Variants in NRK observed in about 807,000 individuals in gnomAD.
NRK encodes the protein Nik related kinase.
Under a neutral mutation model 125.2 loss-of-function variants are expected in NRK, and 67 were observed. That is an observed-to-expected ratio of 0.54 (90% CI 0.44 to 0.66). NRK has a LOEUF of 0.66. Ranked by LOEUF, NRK falls within the 30% of genes least tolerant of loss-of-function variation. NRK has a pLI of 0.00. For missense variants in NRK, 1,224 were observed against 1,192.9 expected, an observed-to-expected ratio of 1.03 and a Z score of -0.38; for synonymous variants, 458 against 429.0, an observed-to-expected ratio of 1.07 and a Z score of -0.84.
Position 105,868,716 on chromosome X carries a change from C to T in NRK, c.124-11483C>T, listed in dbSNP as rs763143460. On this transcript the variant is annotated intron_variant, in intron 2 of 28. Coordinates refer to ENST00000243300, the MANE Select transcript of NRK (RefSeq NM_198465.4). ...CACCATACTTTCCCCCCATCCACTT[C>T]CCCCGCCCCCCACCACTCTGTTCGC... Among the ~76,000 whole-genome samples the T allele has an allele frequency of 4.4e-4, 44 of 100,984 alleles. 1 individual carries two copies. Among genetic ancestry groups the T allele is most frequent in the African/African-American group, 1.6e-3 (44 of 27,944 alleles). 87.7% of individuals were successfully genotyped at this position (100,984 alleles called of 115,157 possible).
intron 2 of NRK, 44 bp downstream of exon 2, chrX:105,831,163 A>T (rs1317831661): frequency 1.2e-6 from 1 of 821,350 alleles, no homozygotes; most frequent in East Asian, 3.2e-5. Context: ...TTTTCTAATG[A>T]CAACAAAGAT....
Position 105,935,186 on chromosome X carries a change from A to G in NRK, c.3516A>G (p.Val1172=). ...FASAILYAGF[V]EVPEESPKQP... ...TCTTTGCAGTATACGCTGGATTCGT[A>G]GAAGTACCTGAGGAATCACCTAAGC... The change falls in exon 21 of 29, where the codon GTA becomes GTG. Residue 1172 remains valine, a synonymous_variant. Coordinates refer to ENST00000243300, the MANE Select transcript of NRK (RefSeq NM_198465.4). 8.4e-7 allele frequency: 1 copy of G among 1,195,893 alleles called. No homozygotes were observed. The highest frequency in any genetic ancestry group is 1.1e-6 in the Non-Finnish European group (1 of 881,598).
In NRK at chrX:105,953,549, C is replaced by T. The variant is rs190885502; in HGVS notation, c.4653+376C>T. The stretch of plus-strand genomic sequence containing the variant: ...GCTTGAGCAAATCTGCCTTTTATAG[C>T]TTTCAACATAATTCAATAACAGAAG... On this transcript the variant is annotated intron_variant, in intron 28 of 28. Transcript: ENST00000243300. Among the ~76,000 whole-genome samples, 223 of 111,559 alleles carry T rather than the reference C, an allele frequency of 2.0e-3. 3 individuals are homozygous for T. Among genetic ancestry groups the T allele is most frequent in the African/African-American group, 7.0e-3 (215 of 30,756 alleles).
At chrX:105,885,518 C>T (rs1043104284) in intron 4 of NRK, among the ~76,000 whole-genome samples, 1 of 112,183 alleles carries the variant, frequency 8.9e-6, no homozygotes, top group Non-Finnish European at 1.9e-5. Context: ...AAGTGTATTG[C>T]ATCTGTATAC....
At chrX:105,925,127 T>G in intron 19 of NRK, 96 bp downstream of exon 19, 3 of 640,158 alleles carry the variant, frequency 4.7e-6, no homozygotes, top group Non-Finnish European at 7.3e-6. Flanking sequence ...AAATAGATTT[T>G]CATCATATAC....
chrX:105,882,240 C>A lies in NRK; in HGVS notation c.252+461C>A, dbSNP rs1319966990. Among the ~76,000 whole-genome samples, 3 of 109,562 alleles carry A rather than the reference C, an allele frequency of 2.7e-5. No homozygotes were observed. In the East Asian group the frequency reaches 8.7e-4, roughly 32 times the overall value. On this transcript the variant is annotated intron_variant, in intron 4 of 28. Transcript: ENST00000243300. ...TCGTGTTTGAACCAAATGAGGAATG[C>A]CCCACGTGCCCACCCCCCCGCTTTT... is the stretch of plus-strand genomic sequence containing the variant.
In NRK at chrX:105,878,570, C is replaced by G. The variant is rs138931410; in HGVS notation, c.124-1629C>G. 7.3e-3 allele frequency among the ~76,000 whole-genome samples: 813 copies of G among 111,908 alleles called. 8 individuals carry two copies. Among genetic ancestry groups the G allele is most frequent in the African/African-American group, 0.025 (759 of 30,886 alleles). On this transcript the variant is annotated intron_variant, in intron 2 of 28. Transcript: ENST00000243300. ...GGATTGATCCTTACAAACTCTGCCT[C>G]ATTTCCACTTCTCATGTAAATCTGA... is the stretch of plus-strand genomic sequence containing the variant.
At chrX:105,895,051 G>A (rs183207955) in intron 6 of NRK, among the ~76,000 whole-genome samples, 19 of 112,136 alleles carry the variant, frequency 1.7e-4, no homozygotes, top group Non-Finnish European at 3.2e-4. Flanking sequence ...TAAACAAATG[G>A]TTGGGTAAGA....
At chrX:105,949,763 G>A in intron 27 of NRK, 29 bp downstream of exon 27, 1 of 1,033,208 alleles carries the variant, frequency 9.7e-7, no homozygotes. Flanking sequence ...TCTTCTTCAG[G>A]ACCCCAGAGA....
In NRK at chrX:105,925,051, G is replaced by A; in HGVS notation, c.3312+20G>A. 1 of 1,102,626 alleles carries A rather than the reference G, an allele frequency of 9.1e-7. No homozygotes were observed. Among genetic ancestry groups the A allele is most frequent in the East Asian group, 3.0e-5 (1 of 33,207 alleles). 90.9% of individuals were successfully genotyped at this position (1,102,626 alleles called of 1,213,427 possible). A position where few individuals can be genotyped will look rare whatever the true frequency, so the allele number is the denominator to read the frequency against. The stretch of plus-strand genomic sequence containing the variant: ...CAGGAGGTAATGCACCATTTGAAAA[G>A]CAGATTGAACTCCTCTCATTGCGAA... On this transcript the variant is annotated intron_variant, in intron 19 of 28. Coordinates refer to ENST00000243300, the MANE Select transcript of NRK (RefSeq NM_198465.4).
intron 2 of NRK, among the ~76,000 whole-genome samples, chrX:105,840,287 T>C (rs577803201): frequency 8.9e-6 from 1 of 111,939 alleles, no homozygotes; most frequent in East Asian, 2.8e-4. Context: ...GTCATAATTA[T>C]TTTTCACAAC....
chrX:105,854,727 T>G (rs1386068487), intron 2 of NRK, among the ~76,000 whole-genome samples: 4 of 111,837 alleles, frequency 3.6e-5, no homozygotes, highest in Non-Finnish European at 7.5e-5. Context: ...TCAGTTGTAA[T>G]TGGCTCCTTT....
intron 17 of NRK, 88 bp downstream of exon 17, chrX:105,922,149 A>C: frequency 4.6e-6 from 2 of 434,087 alleles, no homozygotes; most frequent in South Asian, 1.1e-4. Context: ...ACTTGAGGGA[A>C]AGGTTAAAGA....
intron 2 of NRK, among the ~76,000 whole-genome samples, chrX:105,835,953 A>G (rs192042732): frequency 1.8e-5 from 2 of 111,845 alleles, no homozygotes; most frequent in Admixed American, 1.9e-4. Context: ...CCTCATAAAT[A>G]TATACACCTA....
At position 105,938,747 on chromosome X, in the gene NRK, G is replaced by C. The variant is rs2040697575; in HGVS notation, c.3800-1127G>C. ...ATTTTACCATTTAAGAAATAGAATA[G>C]CGGTAGTGTTTTAGTCCATTCTCAT... On this transcript the variant is annotated intron_variant, in intron 22 of 28. Coordinates refer to ENST00000243300, the MANE Select transcript of NRK (RefSeq NM_198465.4). Among the ~76,000 whole-genome samples the C allele has an allele frequency of 3.6e-5, 4 of 111,776 alleles. No homozygotes were observed. The South Asian group carries it at 1.5e-3, about 41-fold the overall frequency.
intron 2 of NRK, among the ~76,000 whole-genome samples, chrX:105,851,840 A>G (rs1277373670): frequency 9.0e-6 from 1 of 111,266 alleles, no homozygotes; most frequent in Non-Finnish European, 1.9e-5. Context: ...TCTCTCTTAC[A>G]GGATCAAGTC....
chrX:105,924,071 A>G (rs1240104619), intron 18 of NRK, among the ~76,000 whole-genome samples: 1 of 108,801 alleles, frequency 9.2e-6, no homozygotes, highest in Non-Finnish European at 1.9e-5. Flanking sequence ...CGTATGTTTA[A>G]TTTTGTTTCC....
chrX:105,919,739 G>A (rs889781064), intron 16 of NRK, among the ~76,000 whole-genome samples: 1 of 111,763 alleles, frequency 8.9e-6, no homozygotes, highest in Non-Finnish European at 1.9e-5. Context: ...ATATGTGGGG[G>A]TTAAGATTGA....
chrX:105,891,098 T>C (rs970994998), intron 5 of NRK, among the ~76,000 whole-genome samples: 1 of 111,977 alleles, frequency 8.9e-6, no homozygotes, highest in East Asian at 2.8e-4. Flanking sequence ...TATGGGTGCA[T>C]TTTAAGTTTT....
Sources: gnomAD v4.1 joint callset for allele counts (sites outside exome capture counted in the v4.1 genomes callset) on GRCh38, gnomAD v4.1.1 for gene constraint, MANE v1.5 for transcripts, NCBI Gene and HGNC (gene_info 2026-07-23, HGNC 2026-07-21) for gene names.